Variants in RBFOX1 observed in about 807,000 individuals in gnomAD.
The protein encoded by RBFOX1 is RNA binding protein fox-1 homolog 1.
In RBFOX1, 8 loss-of-function variants were observed where a neutral mutation model predicts 57.7. That is an observed-to-expected ratio of 0.14 (90% confidence interval 0.08 to 0.25). RBFOX1 has a LOEUF of 0.25. RBFOX1 is among the 10% of genes least tolerant of loss of function. The pLI is 1.00. For synonymous variants in RBFOX1, 326 were observed against 222.4 expected (o/e 1.47, Z -4.15); for missense variants, 611 against 548.5 (o/e 1.11, Z -1.14).
intron 1 of RBFOX1, among the ~76,000 whole-genome samples, chr16:6,267,923 G>C (rs1206863765): frequency 1.3e-5 from 2 of 152,142 alleles, no homozygotes; most frequent in African/African-American, 2.4e-5. Context: ...GCTAAGGTCA[G>C]CATTAAAATT....
At chr16:6,230,776 C>G (rs2097453148) in intron 1 of RBFOX1, among the ~76,000 whole-genome samples, 1 of 152,120 alleles carries the variant, frequency 6.6e-6, no homozygotes, top group Admixed American at 6.6e-5. Flanking sequence ...AGATGAAGTC[C>G]AAGGACATTT....
intron 4 of RBFOX1, among the ~76,000 whole-genome samples, chr16:7,364,948 C>T (rs953557817): frequency 7.9e-5 from 12 of 152,196 alleles, no homozygotes; most frequent in African/African-American, 2.9e-4. Flanking sequence ...AGCACTCTGA[C>T]TGTTGATACA....
At chr16:7,537,225 G>A (rs1400833901) in intron 5 of RBFOX1, among the ~76,000 whole-genome samples, 1 of 152,202 alleles carries the variant, frequency 6.6e-6, no homozygotes, top group Non-Finnish European at 1.5e-5. Context: ...GATGTTGATA[G>A]GAACTAGAAT....
chr16:6,466,833 C>G (rs1018160600), intron 2 of RBFOX1, among the ~76,000 whole-genome samples: 4 of 152,116 alleles, frequency 2.6e-5, no homozygotes, highest in Non-Finnish European at 5.9e-5. Flanking sequence ...ATGAAATCCT[C>G]TCATTGATTT....
chr16:6,829,541 C>A (rs2092534800), intron 3 of RBFOX1, among the ~76,000 whole-genome samples: 1 of 149,820 alleles, frequency 6.7e-6, no homozygotes, highest in South Asian at 2.1e-4. Context: ...AAAATAAGTA[C>A]CATTAGTTAA....
In RBFOX1 at chr16:5,583,789, A is replaced by G. The variant is rs1450686421; in HGVS notation, c.259-15113A>G. ...CTTATAGAGGGGAAAACTGTGGCTC[A>G]GAGAAATGGAGTGAGCTGCTCAAGG... On this transcript the variant is annotated intron_variant, in intron 2 of 2. Transcript: ENST00000585867. Among the ~76,000 whole-genome samples the G allele has an allele frequency of 2.0e-5, 3 of 152,236 alleles. No individual in the cohort carries two copies. The East Asian group carries it at 5.8e-4, about 29-fold the overall frequency.
chr16:5,983,020 TCA>T (rs2152311781), intron 4 of RBFOX1, among the ~76,000 whole-genome samples: 1 of 152,154 alleles, frequency 6.6e-6, no homozygotes, highest in African/African-American at 2.4e-5. Context: ...GGTAAGAGGG[TCA>T]CACAGACCGC....
intron 9 of RBFOX1, among the ~76,000 whole-genome samples, chr16:7,597,855 A>G (rs2094789160): frequency 6.6e-6 from 1 of 152,088 alleles, no homozygotes; most frequent in South Asian, 2.1e-4. Flanking sequence ...CTCCAGAGAG[A>G]TTAGTCATTT....
chr16:6,680,429 A>AT (rs1275064978), intron 3 of RBFOX1, among the ~76,000 whole-genome samples: 8 of 151,556 alleles, frequency 5.3e-5, no homozygotes, highest in Non-Finnish European at 8.8e-5. Flanking sequence ...CACCTGGCTA[A>AT]TTTTTTTGTA....
At chr16:7,700,440 G>A (rs892399280) in intron 14 of RBFOX1, among the ~76,000 whole-genome samples, 3 of 152,172 alleles carry the variant, frequency 2.0e-5, no homozygotes, top group Non-Finnish European at 4.4e-5. Flanking sequence ...TAGAAATTCT[G>A]ACTGAGGGAT....
At chr16:6,362,555 C>A (rs2088768480) in intron 2 of RBFOX1, among the ~76,000 whole-genome samples, 4 of 152,196 alleles carry the variant, frequency 2.6e-5, no homozygotes, top group African/African-American at 9.7e-5. Context: ...TTACCTGATG[C>A]TCTCTGACAG....
chr16:6,842,861 C>A (rs1299635485), intron 3 of RBFOX1, among the ~76,000 whole-genome samples: 2 of 151,968 alleles, frequency 1.3e-5, no homozygotes, highest in Non-Finnish European at 2.9e-5. Flanking sequence ...GTGATGTTCC[C>A]CTCCCTGTGT....
chr16:7,556,764 G>C (rs533709370), intron 5 of RBFOX1, among the ~76,000 whole-genome samples: 6 of 152,246 alleles, frequency 3.9e-5, no homozygotes, highest in African/African-American at 1.4e-4. Flanking sequence ...CTTCATAGAG[G>C]TATCATGGGG....
chr16:5,313,757 TG>T (rs979021406), intron 1 of RBFOX1, among the ~76,000 whole-genome samples: 2 of 152,176 alleles, frequency 1.3e-5, no homozygotes, highest in African/African-American at 4.8e-5. Context: ...TGAGAAAGAC[TG>T]GCCCCCATGA....
At chr16:6,179,559 A>G (rs940010183) in intron 1 of RBFOX1, among the ~76,000 whole-genome samples, 1 of 152,164 alleles carries the variant, frequency 6.6e-6, no homozygotes, top group Non-Finnish European at 1.5e-5. Flanking sequence ...TACTGGGCTC[A>G]GAGACTGTGG....
rs541337916 is a variant in RBFOX1, at chr16:6,673,033, G to A, written c.-16+18383G>A. 9.8e-5 allele frequency among the ~76,000 whole-genome samples: 15 copies of A among 152,334 alleles called. 1 individual carries two copies. In the East Asian group the frequency reaches 2.9e-3, roughly 29 times the overall value. On this transcript the variant is annotated intron_variant, in intron 3 of 15. Transcript: ENST00000550418. Reference sequence around the variant, plus strand: ...CAATATGGAACCACAACAGGGGAAAGACAGCTCCCTGAAGAAAAACCACAG... The same window carrying A: ...CAATATGGAACCACAACAGGGGAAAAACAGCTCCCTGAAGAAAAACCACAG...
chr16:7,447,237 G>C (rs1598624756), intron 4 of RBFOX1, among the ~76,000 whole-genome samples: 1 of 151,894 alleles, frequency 6.6e-6, no homozygotes, highest in African/African-American at 2.4e-5. Context: ...TTCGAGACCA[G>C]CCTGGCCAAC....
intron 1 of RBFOX1, among the ~76,000 whole-genome samples, chr16:6,307,323 C>T (rs1015088895): frequency 1.3e-5 from 2 of 152,004 alleles, no homozygotes; most frequent in Non-Finnish European, 2.9e-5. Flanking sequence ...GCGGAGCTTG[C>T]AGTGAGCCAA....
rs114476186 is a variant in RBFOX1, at chr16:7,047,681, T to C, written c.-15-4376T>C. On this transcript the variant is annotated intron_variant, in intron 3 of 15. Coordinates refer to ENST00000550418, the MANE Select transcript of RBFOX1 (RefSeq NM_018723.4). ...AGAATTTCAGTAACATGAAATATTG[T>C]ACGTTTTGATATTTGTTCCACAGGT... Among the ~76,000 whole-genome samples, 846 of 150,568 alleles carry C rather than the reference T, an allele frequency of 5.6e-3. 9 individuals carry two copies. The highest frequency in any genetic ancestry group is 0.02 in the African/African-American group (800 of 41,020).
Sources: gnomAD v4.1 joint callset for allele counts (sites outside exome capture counted in the v4.1 genomes callset) on GRCh38, gnomAD v4.1.1 for gene constraint, MANE v1.5 for transcripts, NCBI Gene and HGNC (gene_info 2026-07-23, HGNC 2026-07-21) for gene names.